GRM7: variants seen among roughly 807,000 people sequenced by gnomAD.
The protein encoded by GRM7 is metabotropic glutamate receptor 7.
Under a neutral mutation model 84.5 loss-of-function variants are expected in GRM7, and 35 were observed. The ratio of observed to expected loss-of-function variants is 0.41; its 90% confidence interval spans 0.32 to 0.55. The LOEUF (loss-of-function observed/expected upper bound fraction) is 0.55. Ranked by LOEUF, GRM7 falls within the 20% of genes least tolerant of loss-of-function variation. The probability of loss-of-function intolerance (pLI) is 0.19; values close to 1 mark genes in which losing one functional copy is unlikely to be tolerated. For missense variants in GRM7, 1,003 were observed against 1,194.6 expected (o/e 0.84, Z 2.36); for synonymous variants, 487 against 455.1 (o/e 1.07, Z -0.89).
At chr3:7,385,499 A>C (rs1020895156) in intron 4 of GRM7, among the ~76,000 whole-genome samples, 1 of 151,804 alleles carries the variant, frequency 6.6e-6, no homozygotes, top group African/African-American at 2.4e-5. Context: ...ACAGGGTTTC[A>C]CCATGTTATG....
At chr3:7,193,078 A>G (rs1011478151) in intron 2 of GRM7, among the ~76,000 whole-genome samples, 2 of 151,850 alleles carry the variant, frequency 1.3e-5, no homozygotes, top group Admixed American at 1.3e-4. Context: ...TTTCATGTCC[A>G]TGACTTGAAC....
chr3:7,313,454 C>T (rs1331664689), intron 4 of GRM7, among the ~76,000 whole-genome samples: 1 of 152,012 alleles, frequency 6.6e-6, no homozygotes, highest in Non-Finnish European at 1.5e-5. Flanking sequence ...ATCTTTAAGC[C>T]CCTTTTAAGC....
chr3:7,109,480 C>G (rs991934352), intron 1 of GRM7, among the ~76,000 whole-genome samples: 1 of 152,124 alleles, frequency 6.6e-6, no homozygotes, highest in African/African-American at 2.4e-5. Context: ...CATTTTTACC[C>G]TTTGCTATTT....
chr3:7,566,806 A>G (rs11710668), intron 7 of GRM7, among the ~76,000 whole-genome samples: 86,846 of 151,942 alleles, frequency 0.57, 25,288 homozygotes, highest in East Asian at 0.78. Context: ...CCAGGGGGAA[A>G]AAAAAAATGG....
chr3:6,869,523 G>C (rs1695043564), intron 1 of GRM7, among the ~76,000 whole-genome samples: 1 of 146,688 alleles, frequency 6.8e-6, no homozygotes, highest in African/African-American at 2.5e-5. Flanking sequence ...ACTCTTCTCT[G>C]TTTCTTCTGC....
chr3:7,087,516 A>G (rs1193188834), intron 1 of GRM7, among the ~76,000 whole-genome samples: 1 of 152,042 alleles, frequency 6.6e-6, no homozygotes, highest in Non-Finnish European at 1.5e-5. Context: ...GGACCGAGGG[A>G]CTTGAGAGGC....
At chr3:7,211,482 C>T (rs998213042) in intron 2 of GRM7, among the ~76,000 whole-genome samples, 3 of 152,010 alleles carry the variant, frequency 2.0e-5, no homozygotes, top group African/African-American at 7.3e-5. Flanking sequence ...TAGCCTGAAA[C>T]CCTACCTGGT....
intron 2 of GRM7, among the ~76,000 whole-genome samples, chr3:7,207,649 G>A (rs928892525): frequency 4.6e-5 from 7 of 152,256 alleles, no homozygotes; most frequent in Non-Finnish European, 8.8e-5. Flanking sequence ...TTCATAAACC[G>A]AGATTTCAAT....
chr3:7,248,238 G>T (rs1697847283), intron 2 of GRM7, among the ~76,000 whole-genome samples: 1 of 152,148 alleles, frequency 6.6e-6, no homozygotes. Context: ...GAGGAGGAAG[G>T]CTAATAAGAT....
intron 8 of GRM7, among the ~76,000 whole-genome samples, chr3:7,641,123 T>C (rs1698348801): frequency 6.6e-6 from 1 of 152,178 alleles, no homozygotes; most frequent in Non-Finnish European, 1.5e-5. Context: ...TTCCTAGTGA[T>C]TGTTTGCAAA....
At chr3:7,087,224 T>C (rs1698488934) in intron 1 of GRM7, among the ~76,000 whole-genome samples, 1 of 152,190 alleles carries the variant, frequency 6.6e-6, no homozygotes, top group African/African-American at 2.4e-5. Context: ...TTAAGGAATG[T>C]TCCTGGAATA....
chr3:6,884,921 G>GT (rs1238950805), intron 1 of GRM7, among the ~76,000 whole-genome samples: 1 of 152,132 alleles, frequency 6.6e-6, no homozygotes, highest in Non-Finnish European at 1.5e-5. Context: ...TTCATGTGAG[G>GT]TAGAAATAAC....
intron 7 of GRM7, among the ~76,000 whole-genome samples, chr3:7,527,620 A>G (rs1700857412): frequency 1.3e-5 from 2 of 151,774 alleles, no homozygotes; most frequent in South Asian, 4.2e-4. Flanking sequence ...TAGGGGGAAT[A>G]CTTCTATCTA....
intron 9 of GRM7, among the ~76,000 whole-genome samples, chr3:7,684,873 A>T (rs1398626434): frequency 6.6e-6 from 1 of 152,222 alleles, no homozygotes; most frequent in East Asian, 1.9e-4. Flanking sequence ...AATTTTATTT[A>T]TGCAAATAAG....
intron 4 of GRM7, among the ~76,000 whole-genome samples, chr3:7,376,401 C>A (rs1036186283): frequency 3.3e-5 from 5 of 152,166 alleles, no homozygotes; most frequent in African/African-American, 1.2e-4. Context: ...CACACCTATG[C>A]AAAATACCTT....
intron 1 of GRM7, among the ~76,000 whole-genome samples, chr3:7,039,778 A>G (rs527373118): frequency 4.0e-5 from 6 of 151,720 alleles, no homozygotes; most frequent in Non-Finnish European, 8.8e-5. Context: ...GATGGATTTG[A>G]TCTATTATTG....
At chr3:6,990,588 CTG>C (rs1456086869) in intron 1 of GRM7, among the ~76,000 whole-genome samples, 5 of 152,134 alleles carry the variant, frequency 3.3e-5, no homozygotes, top group Admixed American at 2.6e-4. Flanking sequence ...ATGTCTCTGA[CTG>C]TGAATTTTTA....
chr3:6,945,293 A>G (rs980293437), intron 1 of GRM7, among the ~76,000 whole-genome samples: 17 of 142,480 alleles, frequency 1.2e-4, no homozygotes, highest in African/African-American at 4.5e-4. Flanking sequence ...ATTCCCATCT[A>G]TGAGTGAGAA....
rs572905856 is a variant in GRM7 at position 7,693,471 on chromosome 3, A to C, written c.2698+13176A>C. Among the ~76,000 whole-genome samples, 6 of 152,190 alleles carry C rather than the reference A, an allele frequency of 3.9e-5. No homozygotes were observed. In the South Asian group the frequency reaches 1.2e-3, roughly 32 times the overall value. ...ATCAGTCTGAGCTGAAAATTTGATTAAGCTGGCCTCCTAGGGTTAGTATGA... is the reference window on the plus strand; with the variant it reads ...ATCAGTCTGAGCTGAAAATTTGATTCAGCTGGCCTCCTAGGGTTAGTATGA... On this transcript the variant is annotated intron_variant, in intron 9 of 9. Transcript: ENST00000357716.
Sources: gnomAD v4.1 joint callset for allele counts (sites outside exome capture counted in the v4.1 genomes callset) on GRCh38, gnomAD v4.1.1 for gene constraint, MANE v1.5 for transcripts, NCBI Gene and HGNC (gene_info 2026-07-23, HGNC 2026-07-21) for gene names.